The following CTNNA2 variants were observed in gnomAD, a reference collection of about 807,000 sequenced individuals.
CTNNA2 encodes the protein catenin alpha 2.
In CTNNA2, 42 loss-of-function variants were observed where a neutral mutation model predicts 101.0. That is an observed-to-expected ratio of 0.42 (90% CI 0.32 to 0.54). CTNNA2 has a LOEUF of 0.54. Ranked by LOEUF, CTNNA2 falls within the 20% of genes least tolerant of loss-of-function variation. The pLI is 0.14. For synonymous variants in CTNNA2, 450 were observed against 456.4 expected (o/e 0.99, Z 0.18); for missense variants, 871 against 1,223.1 (o/e 0.71, Z 4.29).
At chr2:80,174,422 C>T (rs1433201153) in intron 7 of CTNNA2, among the ~76,000 whole-genome samples, 1 of 152,178 alleles carries the variant, frequency 6.6e-6, no homozygotes, top group South Asian at 2.1e-4. Flanking sequence ...TCTAAGACGT[C>T]ATCCTCTGGG....
intron 9 of CTNNA2, among the ~76,000 whole-genome samples, chr2:80,462,042 C>T (rs1684473822): frequency 6.6e-6 from 1 of 152,172 alleles, no homozygotes; most frequent in African/African-American, 2.4e-5. Context: ...AGTCAGTTAA[C>T]TTACTTTGAT....
intron 7 of CTNNA2, among the ~76,000 whole-genome samples, chr2:80,261,858 A>C (rs1330342337): frequency 1.3e-5 from 2 of 152,200 alleles, no homozygotes; most frequent in Non-Finnish European, 2.9e-5. Flanking sequence ...GTGTTTTAGG[A>C]GGACTATTAT....
At chr2:80,618,919 G>GC (rs1216805966) in intron 17 of CTNNA2, 166 bp from the exon 18 acceptor site, 1 of 435,248 alleles carries the variant, frequency 2.3e-6, no homozygotes, top group Non-Finnish European at 4.0e-6. Context: ...TGTCAAGAAA[G>GC]CCCATATGTA....
rs1396069005 is a variant in CTNNA2 at position 79,611,518 on chromosome 2, T to A, written c.-5-40034T>A. Among the ~76,000 whole-genome samples, 4 of 152,176 alleles carry A rather than the reference T, an allele frequency of 2.6e-5. No homozygotes were observed. In the East Asian group the frequency reaches 7.7e-4, roughly 29 times the overall value. ...AGAATTAAACAAATAACTCTTCAGT[T>A]AAATTCATGAAAAGTGCTTCTACAG... On this transcript the variant is annotated intron_variant, in intron 1 of 18. Transcript: ENST00000402739.
intron 1 of CTNNA2, among the ~76,000 whole-genome samples, chr2:79,613,546 C>T (rs1167247569): frequency 6.6e-6 from 1 of 152,030 alleles, no homozygotes; most frequent in African/African-American, 2.4e-5. Flanking sequence ...TCTGTGCTTG[C>T]CTTTTTTCTT....
intron 7 of CTNNA2, among the ~76,000 whole-genome samples, chr2:80,188,999 C>A (rs1046941083): frequency 7.9e-6 from 1 of 127,004 alleles, no homozygotes; most frequent in Admixed American, 9.7e-5. Context: ...TGTCACCAGA[C>A]TGGAGTACAG....
chr2:79,832,931 T>A lies in CTNNA2; in HGVS notation c.299-25082T>A, dbSNP rs1308404236. On this transcript the variant is annotated intron_variant, in intron 3 of 18. Coordinates refer to ENST00000402739, the MANE Select transcript of CTNNA2 (RefSeq NM_001282597.3). ...CTTATTTGTTTTCCATTGCTACTGA[T>A]TACAGTTACCCCTTTTTACTTGTTT... is the stretch of plus-strand genomic sequence containing the variant. Among the ~76,000 whole-genome samples the A allele has an allele frequency of 5.3e-5, 8 of 152,354 alleles. No homozygotes were observed. In the South Asian group the frequency reaches 1.7e-3, roughly 32 times the overall value.
At chr2:79,582,693 G>C (rs1216676949) in intron 1 of CTNNA2, among the ~76,000 whole-genome samples, 1 of 152,026 alleles carries the variant, frequency 6.6e-6, no homozygotes, top group African/African-American at 2.4e-5. Flanking sequence ...TCCACATATT[G>C]CATGTGCCAT....
At chr2:79,892,242 G>C (rs1388689089) in intron 6 of CTNNA2, among the ~76,000 whole-genome samples, 1 of 152,106 alleles carries the variant, frequency 6.6e-6, no homozygotes, top group Non-Finnish European at 1.5e-5. Flanking sequence ...CAGAGCTCCT[G>C]TAAGCTTGCT....
intron 7 of CTNNA2, among the ~76,000 whole-genome samples, chr2:80,255,728 A>G (rs1029112400): frequency 2.0e-5 from 3 of 152,152 alleles, no homozygotes; most frequent in South Asian, 4.1e-4. Context: ...AGAGTTTCCT[A>G]TTGTTCCAGG....
In CTNNA2 at chr2:79,418,315, A is replaced by C. The variant is rs189922012; in HGVS notation, c.-135+44302A>C. Among the ~76,000 whole-genome samples the C allele has an allele frequency of 2.0e-4, 30 of 152,248 alleles. No homozygotes were observed. The East Asian group carries it at 5.8e-3, about 29-fold the overall frequency. ...TTAACAGAATTCCTCTACTCCTCCC[A>C]GCCTGGTGGTCTCTCATTAGCTTTA... is the stretch of plus-strand genomic sequence containing the variant. On this transcript the variant is annotated intron_variant, in intron 4 of 21. Transcript: ENST00000466387.
intron 2 of CTNNA2, among the ~76,000 whole-genome samples, chr2:79,694,048 A>C (rs1286630228): frequency 6.6e-6 from 1 of 151,974 alleles, no homozygotes; most frequent in East Asian, 1.9e-4. Flanking sequence ...GAATAGACTA[A>C]TAATGTTTCA....
At chr2:79,759,964 T>C (rs1231795868) in intron 3 of CTNNA2, among the ~76,000 whole-genome samples, 1 of 152,162 alleles carries the variant, frequency 6.6e-6, no homozygotes, top group South Asian at 2.1e-4. Context: ...TCAGCCATGC[T>C]CCAAAGCAGG....
intron 9 of CTNNA2, among the ~76,000 whole-genome samples, chr2:80,497,953 C>T (rs967592887): frequency 4.6e-5 from 7 of 152,158 alleles, no homozygotes; most frequent in Admixed American, 4.6e-4. Context: ...ACCCTGTTCC[C>T]AAAGCCCACC....
chr2:79,974,180 G>A (rs756793053), intron 7 of CTNNA2, among the ~76,000 whole-genome samples: 11 of 152,036 alleles, frequency 7.2e-5, no homozygotes, highest in Non-Finnish European at 1.5e-4. Context: ...AACTTATTGA[G>A]CATGATTTCT....
chr2:79,901,496 C>A (rs1685067008), intron 6 of CTNNA2, among the ~76,000 whole-genome samples: 1 of 152,072 alleles, frequency 6.6e-6, no homozygotes, highest in African/African-American at 2.4e-5. Flanking sequence ...CTAGCATTTG[C>A]ATTTTCCATG....
intron 3 of CTNNA2, among the ~76,000 whole-genome samples, chr2:79,788,260 G>A (rs1397687): frequency 0.43 from 65,205 of 151,940 alleles, 17,927 homozygotes; most frequent in African/African-American, 0.76. Flanking sequence ...TCAGACTCAC[G>A]TGGTGGAAAG....
At chr2:80,171,062 A>G (rs1025865182) in intron 7 of CTNNA2, among the ~76,000 whole-genome samples, 3 of 152,204 alleles carry the variant, frequency 2.0e-5, no homozygotes, top group Admixed American at 6.5e-5. Flanking sequence ...CTGAAAAAGG[A>G]GAGATTTTTT....
intron 7 of CTNNA2, among the ~76,000 whole-genome samples, chr2:80,109,501 T>C (rs1021576389): frequency 6.6e-6 from 1 of 151,786 alleles, no homozygotes; most frequent in Non-Finnish European, 1.5e-5. Context: ...CAAGAACTTA[T>C]TGACTCCCAG....
Sources: allele counts gnomAD v4.1 joint callset (sites outside exome capture counted in the v4.1 genomes callset), GRCh38; gene constraint gnomAD v4.1.1; transcripts MANE v1.5; gene names NCBI Gene and HGNC (gene_info 2026-07-23, HGNC 2026-07-21).